The following HEATR5B variants were observed in gnomAD, a reference collection of about 807,000 sequenced individuals.
The protein encoded by HEATR5B is HEAT repeat-containing protein 5B.
In HEATR5B, 156 loss-of-function variants were observed where a neutral mutation model predicts 224.1. The observed-to-expected ratio is 0.70, with a 90% CI of 0.61 to 0.80. The LOEUF is 0.80. Among genes scored for constraint, HEATR5B ranks in the 30% least tolerant of loss-of-function variants. The pLI, the probability that HEATR5B is intolerant of heterozygous loss-of-function variation, is 0.00. For synonymous variants in HEATR5B, 1,027 were observed against 893.0 expected (o/e 1.15, Z -2.68); for missense variants, 2,323 against 2,535.5 (o/e 0.92, Z 1.80).
At chr2:37,047,017 C>T (rs1204604272) in intron 18 of HEATR5B, among the ~76,000 whole-genome samples, 2 of 106,716 alleles carry the variant, frequency 1.9e-5, no homozygotes, top group African/African-American at 7.7e-5. Context: ...ACATCTGCAA[C>T]AGAACCAGAC....
chr2:37,064,410 C>T (rs1572921247), intron 10 of HEATR5B, among the ~76,000 whole-genome samples: 1 of 151,606 alleles, frequency 6.6e-6, no homozygotes, highest in East Asian at 1.9e-4. Flanking sequence ...ACCCATCCTC[C>T]CCAGTAGCTA....
intron 35 of HEATR5B, among the ~76,000 whole-genome samples, chr2:36,985,722 C>G (rs955079095): frequency 1.1e-4 from 17 of 150,368 alleles, no homozygotes; most frequent in Admixed American, 9.3e-4. Context: ...GCTTTGGTCT[C>G]CCAAAGTGTT....
At chr2:37,033,307 G>A (rs1403703746) in intron 21 of HEATR5B, among the ~76,000 whole-genome samples, 1 of 152,108 alleles carries the variant, frequency 6.6e-6, no homozygotes, top group Non-Finnish European at 1.5e-5. Context: ...CAAAAAATAT[G>A]TTAGTAGCCA....
At chr2:37,054,175 T>A (rs1448593698) in intron 16 of HEATR5B, among the ~76,000 whole-genome samples, 2 of 147,546 alleles carry the variant, frequency 1.4e-5, no homozygotes, top group Non-Finnish European at 1.5e-5. Flanking sequence ...TCCATGGCCA[T>A]CTTAGATGAT....
chr2:37,044,586 G>C (rs530776413), intron 18 of HEATR5B, among the ~76,000 whole-genome samples: 5 of 152,238 alleles, frequency 3.3e-5, no homozygotes, highest in Admixed American at 3.3e-4. Flanking sequence ...ACAAGTGTTT[G>C]TATGCACATA....
intron 16 of HEATR5B, among the ~76,000 whole-genome samples, chr2:37,054,192 G>GTTT (rs70946964): frequency 9.9e-5 from 3 of 30,216 alleles, no homozygotes; most frequent in Non-Finnish European, 1.4e-4. Context: ...TGATTTCTCT[G>GTTT]TTTTTTTTTT....
chr2:37,032,884 G>GT (rs5830450), intron 21 of HEATR5B, 111 bp from the exon 22 acceptor site: 188,577 of 680,736 alleles, frequency 0.28, 2,008 homozygotes, highest in South Asian at 0.33. Flanking sequence ...GTTTTGTTTT[G>GT]TTTTTTTTTT....
At chr2:37,009,357 T>C (rs76571960) in intron 27 of HEATR5B, among the ~76,000 whole-genome samples, 1,617 of 151,416 alleles carry the variant, frequency 0.011, 27 homozygotes, top group African/African-American at 0.036. Flanking sequence ...GGGAATCACT[T>C]GAAGCCAGGA....
intron 28 of HEATR5B, chr2:37,008,037 T>A (rs566943822): frequency 1.3e-5 from 2 of 154,994 alleles, no homozygotes; most frequent in East Asian, 1.9e-4. Flanking sequence ...GACTTCCTCA[T>A]CACTCCTTGC....
intron 35 of HEATR5B, among the ~76,000 whole-genome samples, chr2:36,982,571 T>G (rs1337844615): frequency 1.3e-5 from 2 of 152,142 alleles, no homozygotes; most frequent in Non-Finnish European, 2.9e-5. Flanking sequence ...TTAATTTTTG[T>G]AGAATGACAA....
At chr2:37,025,519 T>C (rs1668714801) in intron 24 of HEATR5B, among the ~76,000 whole-genome samples, 2 of 143,062 alleles carry the variant, frequency 1.4e-5, no homozygotes, top group Admixed American at 7.4e-5. Flanking sequence ...CTGGCTGCTA[T>C]GGTATAAAAA....
In HEATR5B at chr2:37,008,777, G is replaced by A. The variant is rs199872653; in HGVS notation, c.4356C>T (p.Asp1452=). Residue 1452 remains aspartate (D), a synonymous_variant, in exon 28 of 36, where the codon GAC becomes GAT. Transcript: ENST00000233099. The part of the protein sequence containing the change: ...SKPKRAIKNT[D]DDDDDCGTID... ...TGGTACCACAGTCGTCATCATCATC[G>A]TCAGTATTTTTAATTGCTCTTTTTG... 1.1e-5 allele frequency: 18 copies of A among 1,613,806 alleles called. No homozygotes were observed. In the Admixed American group the frequency reaches 1.8e-4, roughly 16 times the overall value.
intron 10 of HEATR5B, among the ~76,000 whole-genome samples, chr2:37,062,890 G>T (rs1407084720): frequency 6.6e-6 from 1 of 152,072 alleles, no homozygotes. Flanking sequence ...TGGGCTCAAG[G>T]GATCCTCCTA....
At chr2:36,988,912 C>G (rs921578709) in intron 34 of HEATR5B, 53 bp from the exon 35 acceptor site, 3 of 1,336,912 alleles carry the variant, frequency 2.2e-6, no homozygotes, top group Non-Finnish European at 1.1e-6. Context: ...CTTATTTGCT[C>G]TACAATCACA....
At position 37,056,553 on chromosome 2, in the gene HEATR5B, T is replaced by C; in HGVS notation, c.2286A>G (p.Leu762=). Residue 762 remains leucine (L), a synonymous_variant, in exon 16 of 36, where the codon TTA becomes TTG. Transcript: ENST00000233099. The part of the protein sequence containing the change: ...ALEHDPSSIY[L]RIPAGEAVPG... Reference sequence around the variant, plus strand: ...GTACTGCTTCTCCAGCAGGTATGCGTAAATAAATAGAGGAAGGATCATGCT... The same window carrying C: ...GTACTGCTTCTCCAGCAGGTATGCGCAAATAAATAGAGGAAGGATCATGCT... 6.2e-7 allele frequency: 1 copy of C among 1,613,354 alleles called. No homozygotes were observed. Among genetic ancestry groups the C allele is most frequent in the South Asian group, 1.1e-5 (1 of 91,022 alleles).
intron 24 of HEATR5B, among the ~76,000 whole-genome samples, chr2:37,023,651 G>C (rs998095571): frequency 2.6e-5 from 4 of 152,074 alleles, no homozygotes; most frequent in Admixed American, 2.6e-4. Flanking sequence ...TGCCTGTAAT[G>C]TCAGCAGCTC....
chr2:37,069,288 C>T lies in HEATR5B; in HGVS notation c.928-358G>A, dbSNP rs565748343. 3.2e-4 allele frequency among the ~76,000 whole-genome samples: 49 copies of T among 152,246 alleles called. No individual in the cohort carries two copies. The South Asian group carries it at 9.3e-3, about 29-fold the overall frequency. On this transcript the variant is annotated intron_variant, in intron 7 of 35. Coordinates refer to ENST00000233099, the MANE Select transcript of HEATR5B (RefSeq NM_019024.3). Reference sequence around the variant, plus strand: ...CTGACTTAGAGCTATAAAACCCTTACGTACGACTTTTTCTGTAAGTTAAAA... The same window carrying T: ...CTGACTTAGAGCTATAAAACCCTTATGTACGACTTTTTCTGTAAGTTAAAA...
intron 18 of HEATR5B, among the ~76,000 whole-genome samples, chr2:37,046,710 C>T (rs1670218757): frequency 6.6e-6 from 1 of 151,258 alleles, no homozygotes; most frequent in Non-Finnish European, 1.5e-5. Flanking sequence ...AGTTTGCCTA[C>T]TGCAAACTAA....
At chr2:37,064,712 A>G in intron 10 of HEATR5B, 28 bp downstream of exon 10, 5 of 1,610,538 alleles carry the variant, frequency 3.1e-6, no homozygotes, top group Non-Finnish European at 4.2e-6. Flanking sequence ...ACGTGACAGC[A>G]TTCCCAAGTC....
Sources: allele counts gnomAD v4.1 joint callset (sites outside exome capture counted in the v4.1 genomes callset), GRCh38; gene constraint gnomAD v4.1.1; transcripts MANE v1.5; gene names NCBI Gene and HGNC (gene_info 2026-07-23, HGNC 2026-07-21).